Variants in FAM193A observed in about 807,000 individuals in gnomAD.
FAM193A encodes protein FAM193A.
FAM193A carries 22 observed loss-of-function variants against 126.5 expected under a neutral mutation model. The observed-to-expected ratio is 0.17, with a 90% CI of 0.12 to 0.25. The LOEUF is 0.25. Among genes scored for constraint, FAM193A ranks in the 10% least tolerant of loss-of-function variants. FAM193A has a pLI of 1.00. For synonymous variants in FAM193A, 761 were observed against 646.8 expected (o/e 1.18, Z -2.68); for missense variants, 1,675 against 1,672.8 (o/e 1.00, Z -0.02).
chr4:2,643,288 T>C (rs1744818541), intron 6 of FAM193A, among the ~76,000 whole-genome samples: 1 of 152,214 alleles, frequency 6.6e-6, no homozygotes, highest in African/African-American at 2.4e-5. Context: ...ATAAAAATTT[T>C]GCTACTGATT....
chr4:2,719,635 C>G (rs906991273), intron 20 of FAM193A, among the ~76,000 whole-genome samples: 1 of 151,292 alleles, frequency 6.6e-6, no homozygotes, highest in Non-Finnish European at 1.5e-5. Flanking sequence ...ATCCCAGCTA[C>G]TCGGGAGGCT....
At chr4:2,636,277 A>T (rs1196198572) in intron 5 of FAM193A, among the ~76,000 whole-genome samples, 2 of 151,814 alleles carry the variant, frequency 1.3e-5, no homozygotes, top group Non-Finnish European at 2.9e-5. Context: ...GTTAGCCAGG[A>T]TGGTCTCGAT....
rs777305061 is a variant in FAM193A, at chr4:2,631,034, G to A, written c.903G>A (p.Ser301=). Residue 301 remains serine, a synonymous_variant, in exon 5 of 21, where the codon TCG becomes TCA. Coordinates refer to ENST00000637812, the MANE Select transcript of FAM193A (RefSeq NM_001366318.2). ...EMKVRLLRQL[S]AAAKVKAPSG... Reference sequence around the variant, plus strand: ...AGGTCCGCCTGCTCCGGCAGCTGTCGGCTGCGGCCAAGGTGAAGGCACCAT... The same window carrying A: ...AGGTCCGCCTGCTCCGGCAGCTGTCAGCTGCGGCCAAGGTGAAGGCACCAT... 1.6e-5 allele frequency: 26 copies of A among 1,613,414 alleles called. No homozygotes were observed. The highest frequency in any genetic ancestry group is 2.0e-5 in the Non-Finnish European group (24 of 1,180,022).
At chr4:2,638,870 C>CAGT (rs1433948152) in intron 5 of FAM193A, among the ~76,000 whole-genome samples, 1 of 152,190 alleles carries the variant, frequency 6.6e-6, no homozygotes, top group Non-Finnish European at 1.5e-5. Context: ...CCTCTAAACC[C>CAGT]AGTCCCTGTG....
chr4:2,642,732 CTTTT>C (rs1209422669), intron 6 of FAM193A, among the ~76,000 whole-genome samples: 2 of 135,446 alleles, frequency 1.5e-5, no homozygotes, highest in Non-Finnish European at 1.6e-5. Flanking sequence ...AAACTCCCAT[CTTTT>C]TTTTTTTTTT....
intron 1 of FAM193A, among the ~76,000 whole-genome samples, chr4:2,581,061 G>A (rs896737621): frequency 4.0e-5 from 6 of 151,714 alleles, no homozygotes; most frequent in East Asian, 1.9e-4. Flanking sequence ...CCCGGGAGGC[G>A]GAGGTTGCAG....
chr4:2,670,374 G>A (rs566598034), intron 12 of FAM193A, among the ~76,000 whole-genome samples: 19 of 152,086 alleles, frequency 1.2e-4, no homozygotes, highest in African/African-American at 4.1e-4. Context: ...TATAACAGCT[G>A]CTTTGACATC....
chr4:2,541,715 A>C (rs2108802740), intron 1 of FAM193A, among the ~76,000 whole-genome samples: 1 of 152,226 alleles, frequency 6.6e-6, no homozygotes, highest in East Asian at 1.9e-4. Context: ...AAGTGCTGGG[A>C]TTACGGGTGT....
At chr4:2,674,708 T>A (rs1029632602) in intron 13 of FAM193A, among the ~76,000 whole-genome samples, 2 of 152,024 alleles carry the variant, frequency 1.3e-5, no homozygotes, top group African/African-American at 4.8e-5. Context: ...CTATGAAAAA[T>A]TTATTTTCTG....
intron 13 of FAM193A, among the ~76,000 whole-genome samples, chr4:2,686,236 T>C (rs1218236181): frequency 6.6e-6 from 1 of 152,232 alleles, no homozygotes; most frequent in Non-Finnish European, 1.5e-5. Context: ...GTGTGTGGGG[T>C]TCTGAATAGT....
At position 2,700,479 on chromosome 4, in the gene FAM193A, C is replaced by T; in HGVS notation, c.4307C>T (p.Pro1436Leu). 6.2e-7 allele frequency: 1 copy of T among 1,614,174 alleles called. No individual in the cohort carries two copies. The highest frequency in any genetic ancestry group is 8.5e-7 in the Non-Finnish European group (1 of 1,180,020). Residue 1436 changes from proline (P) to leucine (L), a missense_variant, in exon 19 of 21, where the codon CCT becomes CTT. Transcript: ENST00000637812. ...AGCAAGCTGGTGCTGGCAGAGTCCC[C>T]TCAGCCAAAGGGCAAGAACAAGAAA... is the stretch of plus-strand genomic sequence containing the variant. ...QNSKLVLAESPQPKGKNKKNK... is the reference protein window; with the variant it reads ...QNSKLVLAESLQPKGKNKKNK...
At chr4:2,633,810 T>C (rs1394607673) in intron 5 of FAM193A, among the ~76,000 whole-genome samples, 2 of 152,102 alleles carry the variant, frequency 1.3e-5, no homozygotes, top group Non-Finnish European at 2.9e-5. Context: ...GGAGAATTGC[T>C]TGAACCTGGG....
intron 11 of FAM193A, 24 bp downstream of exon 11, chr4:2,663,015 C>T: frequency 6.3e-7 from 1 of 1,599,884 alleles, no homozygotes; most frequent in South Asian, 1.1e-5. Flanking sequence ...TTCTTCGTAG[C>T]AACAATAAAT....
At chr4:2,592,376 C>T (rs1054134415) in intron 1 of FAM193A, among the ~76,000 whole-genome samples, 2 of 152,180 alleles carry the variant, frequency 1.3e-5, no homozygotes, top group African/African-American at 2.4e-5. Context: ...GTGTGAGCCA[C>T]CGCGCCCAGC....
chr4:2,570,860 G>C (rs1016553893), intron 1 of FAM193A, among the ~76,000 whole-genome samples: 1 of 152,180 alleles, frequency 6.6e-6, no homozygotes, highest in African/African-American at 2.4e-5. Flanking sequence ...GCCTTACTCA[G>C]GTGGTCATGT....
Position 2,582,509 on chromosome 4 carries a change from C to T in FAM193A, c.256-13575C>T, listed in dbSNP as rs186120112. ...TTTCTTATTTTCATAGTCTTAGTTG[C>T]GCATGACTTTTGTCCTAATTAGTTG... On this transcript the variant is annotated intron_variant, in intron 1 of 20. Transcript: ENST00000637812. Among the ~76,000 whole-genome samples, 34 of 152,154 alleles carry T rather than the reference C, an allele frequency of 2.2e-4. No individual in the cohort carries two copies. In the East Asian group the frequency reaches 4.6e-3, roughly 21 times the overall value.
chr4:2,569,423 T>C (rs1421364324), intron 1 of FAM193A, among the ~76,000 whole-genome samples: 1 of 152,214 alleles, frequency 6.6e-6, no homozygotes, highest in East Asian at 1.9e-4. Flanking sequence ...GTTTATCGAA[T>C]CCTATTTATT....
chr4:2,581,498 C>T (rs189269974), intron 1 of FAM193A, among the ~76,000 whole-genome samples: 69 of 152,192 alleles, frequency 4.5e-4, no homozygotes, highest in African/African-American at 1.7e-3. Flanking sequence ...AGGCAATCCG[C>T]CTGTCTGGGC....
chr4:2,629,966 A>T (rs1743389139), intron 4 of FAM193A, among the ~76,000 whole-genome samples: 1 of 152,032 alleles, frequency 6.6e-6, no homozygotes, highest in South Asian at 2.1e-4. Flanking sequence ...CCCCGTCTCT[A>T]CTAAAAATAC....
Sources: allele counts gnomAD v4.1 joint callset (sites outside exome capture counted in the v4.1 genomes callset), GRCh38; gene constraint gnomAD v4.1.1; transcripts MANE v1.5; gene names NCBI Gene and HGNC (gene_info 2026-07-23, HGNC 2026-07-21).